RGS20: variants seen among roughly 807,000 people sequenced by gnomAD.
RGS20 encodes the protein regulator of G protein signaling 20.
Under a neutral mutation model 33.6 loss-of-function variants are expected in RGS20, and 30 were observed. The observed-to-expected ratio is 0.89, with a 90% CI of 0.67 to 1.21. RGS20 has a LOEUF of 1.21. Ranked by LOEUF, RGS20 falls within the 50% of genes most tolerant of loss-of-function variation. The pLI is 0.00. For missense variants in RGS20, 472 were observed against 502.4 expected (o/e 0.94, Z 0.58); for synonymous variants, 208 against 197.9 (o/e 1.05, Z -0.43).
chr8:53,957,690 G>A (rs1257146359), intron 5 of RGS20, among the ~76,000 whole-genome samples: 4 of 152,240 alleles, frequency 2.6e-5, no homozygotes, highest in Non-Finnish European at 4.4e-5. Flanking sequence ...AGCATCAGGG[G>A]CCCCTACACC....
intron 4 of RGS20, 106 bp from the exon 4 acceptor site, chr8:53,953,970 A>C: frequency 1.2e-6 from 1 of 829,238 alleles, no homozygotes; most frequent in Non-Finnish European, 2.1e-6. Flanking sequence ...CTAAATGCAT[A>C]TATTTTTCAT....
intron 1 of RGS20, among the ~76,000 whole-genome samples, chr8:53,872,436 T>A (rs1005305840): frequency 2.0e-5 from 3 of 152,174 alleles, no homozygotes; most frequent in South Asian, 2.1e-4. Context: ...GGACCCTTAA[T>A]ACCCTCCCAT....
intron 2 of RGS20, among the ~76,000 whole-genome samples, chr8:53,882,448 G>T (rs1300254662): frequency 6.6e-6 from 1 of 152,126 alleles, no homozygotes; most frequent in Non-Finnish European, 1.5e-5. Context: ...AGGCGAGGGG[G>T]ATCCCAGGGG....
At chr8:53,887,852 C>A (rs1812593701) in intron 2 of RGS20, among the ~76,000 whole-genome samples, 1 of 151,994 alleles carries the variant, frequency 6.6e-6, no homozygotes, top group Non-Finnish European at 1.5e-5. Context: ...GTGGTGCACA[C>A]CTGTAGTCCC....
chr8:53,880,867 G>A lies in RGS20; in HGVS notation c.510+1265G>A. The A allele has an allele frequency of 1.4e-6, 2 of 1,441,768 alleles. No homozygotes were observed. The highest frequency in any genetic ancestry group is 1.8e-6 in the Non-Finnish European group (2 of 1,095,814). 89.3% of individuals were successfully genotyped at this position (1,441,768 alleles called of 1,614,324 possible). ...GTAAAAGGAGTGAGGGGGCGGGGAG[G>A]AGGCAGAGCAAGGGGAGGAAGAGGC... On this transcript the variant is annotated intron_variant, in intron 2 of 5. Coordinates refer to ENST00000297313, the MANE Select transcript of RGS20 (RefSeq NM_170587.4).
At chr8:53,909,140 G>A (rs1000851239) in intron 2 of RGS20, among the ~76,000 whole-genome samples, 17 of 139,230 alleles carry the variant, frequency 1.2e-4, no homozygotes, top group Non-Finnish European at 2.4e-4. Context: ...CCTGCCTGTG[G>A]TCATACAGGT....
At chr8:53,880,072 T>A (rs571054920) in intron 2 of RGS20, 2 of 154,430 alleles carry the variant, frequency 1.3e-5, no homozygotes, top group East Asian at 3.8e-4. Context: ...CCCTCCGGGC[T>A]CCAGGGAACT....
intron 4 of RGS20, among the ~76,000 whole-genome samples, chr8:53,948,532 T>C (rs1239444621): frequency 1.1e-3 from 100 of 87,736 alleles, no homozygotes; most frequent in East Asian, 2.6e-3. Flanking sequence ...TGATACAGTA[T>C]ATATTTACAT....
intron 3 of RGS20, among the ~76,000 whole-genome samples, chr8:53,945,577 T>A (rs1401189044): frequency 6.6e-6 from 1 of 152,168 alleles, no homozygotes; most frequent in Admixed American, 6.6e-5. Context: ...TTGTACACTT[T>A]AAACAGATAA....
intron 2 of RGS20, among the ~76,000 whole-genome samples, chr8:53,903,648 C>T (rs1813090485): frequency 6.6e-6 from 1 of 152,198 alleles, no homozygotes; most frequent in African/African-American, 2.4e-5. Flanking sequence ...GGAACTTGTT[C>T]TTCTGTCCCT....
intron 1 of RGS20, chr8:53,876,776 G>T (rs1426355158): frequency 6.6e-6 from 1 of 152,338 alleles, no homozygotes; most frequent in Non-Finnish European, 1.5e-5. Flanking sequence ...GGCTGATCCG[G>T]AGGCCAGTGT....
At chr8:53,919,382 C>A (rs1329749546) in intron 2 of RGS20, among the ~76,000 whole-genome samples, 2 of 150,652 alleles carry the variant, frequency 1.3e-5, no homozygotes, top group Admixed American at 6.6e-5. Context: ...TGCTCTGTCA[C>A]CCCGTCTGGA....
rs56137684 is a variant in RGS20, at chr8:53,898,101, G to A, written c.510+18499G>A. On this transcript the variant is annotated intron_variant, in intron 2 of 5. Coordinates refer to ENST00000297313, the MANE Select transcript of RGS20 (RefSeq NM_170587.4). ...ATGGCTGTGGGGCTGGATCCCACCC[G>A]CTCGCCTTGCACCACCAGGAGCTGC... Among the ~76,000 whole-genome samples, 111 of 152,176 alleles carry A rather than the reference G, an allele frequency of 7.3e-4. 2 individuals carry two copies. The East Asian group carries it at 0.016, about 23-fold the overall frequency.
intron 1 of RGS20, among the ~76,000 whole-genome samples, chr8:53,854,136 A>G (rs1285564756): frequency 3.9e-5 from 6 of 152,158 alleles, no homozygotes; most frequent in East Asian, 1.9e-4. Context: ...AACTTTTAGG[A>G]AAAAAATGGG....
At chr8:53,879,708 TA>T in intron 2 of RGS20, 2 of 1,006,212 alleles carry the variant, frequency 2.0e-6, no homozygotes, top group Non-Finnish European at 2.8e-6. Flanking sequence ...GGGCTAGCAG[TA>T]GGGAGGGTGG....
chr8:53,867,201 TG>T (rs1345739840), intron 1 of RGS20, among the ~76,000 whole-genome samples: 1 of 152,022 alleles, frequency 6.6e-6, no homozygotes. Context: ...TGGGAAAACG[TG>T]ACAACTCAAA....
chr8:53,878,788 G>T (rs1419159743), intron 1 of RGS20, among the ~76,000 whole-genome samples: 4 of 152,194 alleles, frequency 2.6e-5, no homozygotes, highest in African/African-American at 9.6e-5. Context: ...CACTTAGGGA[G>T]ATGGGAAAGG....
chr8:53,890,473 T>C (rs775734970), intron 2 of RGS20, among the ~76,000 whole-genome samples: 3 of 152,254 alleles, frequency 2.0e-5, no homozygotes, highest in Non-Finnish European at 4.4e-5. Context: ...ATTTTTATTA[T>C]ATGTAGACAT....
At chr8:53,904,522 A>C (rs1180890231) in intron 2 of RGS20, among the ~76,000 whole-genome samples, 1 of 152,220 alleles carries the variant, frequency 6.6e-6, no homozygotes, top group African/African-American at 2.4e-5. Flanking sequence ...AGAAATTCTC[A>C]TTAGGGAGCC....
Sources: gnomAD v4.1 joint callset for allele counts (sites outside exome capture counted in the v4.1 genomes callset) on GRCh38, gnomAD v4.1.1 for gene constraint, MANE v1.5 for transcripts, NCBI Gene and HGNC (gene_info 2026-07-23, HGNC 2026-07-21) for gene names.